PALLD: variants seen among roughly 807,000 people sequenced by gnomAD.
PALLD encodes the protein palladin.
A neutral mutation model predicts 123.5 loss-of-function variants in PALLD; 61 were observed. The ratio of observed to expected loss-of-function variants is 0.49; its 90% CI spans 0.40 to 0.61. PALLD has a LOEUF of 0.61. PALLD is among the 20% of genes least tolerant of loss of function. The pLI is 0.00. For missense variants in PALLD, 1,273 were observed against 1,377.0 expected, an observed-to-expected ratio of 0.92 and a Z score of 1.20; for synonymous variants, 465 against 496.4, an observed-to-expected ratio of 0.94 and a Z score of 0.84.
chr4:168,572,669 G>GGCTTTA (rs1769121262), intron 2 of PALLD, among the ~76,000 whole-genome samples: 4 of 151,892 alleles, frequency 2.6e-5, no homozygotes, highest in Non-Finnish European at 5.9e-5. Context: ...GCCAAAGCCT[G>GGCTTTA]AGAGTCATAC....
At chr4:168,581,011 A>G (rs1770212843) in intron 2 of PALLD, among the ~76,000 whole-genome samples, 3 of 151,970 alleles carry the variant, frequency 2.0e-5, no homozygotes, top group Admixed American at 1.3e-4. Context: ...AGGAAAAAAA[A>G]AAAACTGTCA....
intron 17 of PALLD, 37 bp downstream of exon 17, chr4:168,916,064 C>T (rs773447112): frequency 6.3e-6 from 10 of 1,591,938 alleles, no homozygotes; most frequent in African/African-American, 2.7e-5. Flanking sequence ...CCTATTGCCC[C>T]ACTTCTCCCT....
chr4:168,892,658 A>C (rs1276833646), intron 11 of PALLD, among the ~76,000 whole-genome samples: 1 of 152,062 alleles, frequency 6.6e-6, no homozygotes, highest in African/African-American at 2.4e-5. Flanking sequence ...CTGTCAACTA[A>C]ATCTTTTAAA....
intron 2 of PALLD, among the ~76,000 whole-genome samples, chr4:168,601,285 T>C (rs2149725447): frequency 2.0e-5 from 3 of 152,324 alleles, no homozygotes; most frequent in African/African-American, 4.8e-5. Flanking sequence ...TGTGCACAAA[T>C]GGCCCCCAGG....
intron 10 of PALLD, among the ~76,000 whole-genome samples, chr4:168,780,591 T>C (rs1198137597): frequency 2.0e-5 from 3 of 152,248 alleles, no homozygotes; most frequent in Non-Finnish European, 4.4e-5. Flanking sequence ...CCAGTTGTTA[T>C]GAAAGGGGTG....
chr4:168,886,128 T>C (rs1294422826), intron 10 of PALLD, among the ~76,000 whole-genome samples: 1 of 152,232 alleles, frequency 6.6e-6, no homozygotes, highest in Non-Finnish European at 1.5e-5. Flanking sequence ...GTGTTGAGAC[T>C]ATCATGATGA....
intron 10 of PALLD, among the ~76,000 whole-genome samples, chr4:168,755,157 T>C (rs562089862): frequency 1.1e-4 from 16 of 144,008 alleles, no homozygotes; most frequent in South Asian, 4.4e-4. Flanking sequence ...GGCATGAGCC[T>C]GGGAGGCGGA....
At chr4:168,637,158 T>C (rs1284434831) in intron 2 of PALLD, among the ~76,000 whole-genome samples, 2 of 152,212 alleles carry the variant, frequency 1.3e-5, no homozygotes, top group Non-Finnish European at 2.9e-5. Context: ...ATTCAGCAGG[T>C]GTGACAAGCA....
At chr4:168,749,952 T>C (rs1581263169) in intron 10 of PALLD, among the ~76,000 whole-genome samples, 1 of 128,868 alleles carries the variant, frequency 7.8e-6, no homozygotes, top group Admixed American at 7.6e-5. Flanking sequence ...TAGTTTCCAC[T>C]TTTTTTTTTT....
At chr4:168,877,383 G>A (rs2151111290) in intron 10 of PALLD, among the ~76,000 whole-genome samples, 1 of 152,342 alleles carries the variant, frequency 6.6e-6, no homozygotes, top group Non-Finnish European at 1.5e-5. Flanking sequence ...GAGAATTGAT[G>A]TCGAAACGTT....
intron 10 of PALLD, among the ~76,000 whole-genome samples, chr4:168,848,114 G>C (rs1367803743): frequency 6.6e-6 from 1 of 152,040 alleles, no homozygotes; most frequent in African/African-American, 2.4e-5. Flanking sequence ...TGGTGACTGA[G>C]GACTGAGTTA....
intron 1 of PALLD, among the ~76,000 whole-genome samples, chr4:168,499,277 AGGGAGGAT>A (rs753087428): frequency 0.12 from 5,650 of 46,022 alleles, 540 homozygotes; most frequent in African/African-American, 0.18. Context: ...GGAGGATGGG[AGGGAGGAT>A]GGGAGGGAGG....
chr4:168,547,258 T>A (rs573461846), intron 2 of PALLD, among the ~76,000 whole-genome samples: 1 of 152,236 alleles, frequency 6.6e-6, no homozygotes, highest in South Asian at 2.1e-4. Flanking sequence ...AGAAACTAAG[T>A]TTCCCTGTTT....
At chr4:168,523,306 A>C (rs1317954245) in intron 2 of PALLD, among the ~76,000 whole-genome samples, 3 of 151,992 alleles carry the variant, frequency 2.0e-5, no homozygotes, top group Admixed American at 2.0e-4. Context: ...GGAGGCAGAC[A>C]AAGAAAACTC....
intron 17 of PALLD, among the ~76,000 whole-genome samples, chr4:168,918,347 T>C (rs1760690362): frequency 7.2e-6 from 1 of 138,384 alleles, no homozygotes; most frequent in Admixed American, 7.4e-5. Flanking sequence ...TATACATACA[T>C]ACACACACAG....
intron 8 of PALLD, among the ~76,000 whole-genome samples, chr4:168,705,598 A>T (rs754621508): frequency 9.9e-5 from 15 of 152,152 alleles, no homozygotes; most frequent in Non-Finnish European, 2.1e-4. Flanking sequence ...TGCATTTATG[A>T]TACCCATCAC....
rs1385898569 is a variant in PALLD at position 168,898,545 on chromosome 4, G to A, written c.2303G>A (p.Arg768Lys). 15 of 1,614,012 alleles carry A rather than the reference G, an allele frequency of 9.3e-6. No individual in the cohort carries two copies. Among genetic ancestry groups the A allele is most frequent in the Admixed American group, 3.3e-5 (2 of 60,026 alleles). The change falls in exon 14 of 22, where the codon AGG becomes AAG. Residue 768 changes from arginine to lysine, a missense_variant. Around this residue, in one of 2 missense-constraint regions of PALLD, gnomAD observed 944 missense variants for 954.5 expected, o/e 0.99. Transcript: ENST00000505667. ...AGACTCATCAGTGAAATAGAGTACA[G>A]GCTAGAAAGGTCTCCTGTGGATGAA... ...EQRLISEIEY[R>K]LERSPVDESG...
intron 10 of PALLD, among the ~76,000 whole-genome samples, chr4:168,867,699 A>G (rs1750497124): frequency 6.6e-6 from 1 of 152,062 alleles, no homozygotes; most frequent in African/African-American, 2.4e-5. Flanking sequence ...TCAACTGCCG[A>G]TAGTGCTATT....
At chr4:168,871,284 A>AATTACCATTAACC (rs1751036336) in intron 10 of PALLD, among the ~76,000 whole-genome samples, 1 of 152,208 alleles carries the variant, frequency 6.6e-6, no homozygotes, top group Admixed American at 6.5e-5. Flanking sequence ...GAAACCTTAA[A>AATTACCATTAACC]ATATGCCAAA....
Sources: gnomAD v4.1 joint callset for allele counts (sites outside exome capture counted in the v4.1 genomes callset) on GRCh38, gnomAD v4.1.1 for gene constraint, gnomAD v4.1.1 regional missense constraint, MANE v1.5 for transcripts, NCBI Gene and HGNC (gene_info 2026-07-23, HGNC 2026-07-21) for gene names.